ATP10D: variants seen among roughly 807,000 people sequenced by gnomAD.
ATP10D encodes the protein ATPase phospholipid transporting 10D (putative).
Under a neutral mutation model 144.8 loss-of-function variants are expected in ATP10D, and 89 were observed. That is an observed-to-expected ratio of 0.61 (90% CI 0.52 to 0.73). ATP10D has a LOEUF of 0.73. Ranked by LOEUF, ATP10D falls within the 30% of genes least tolerant of loss-of-function variation. The probability of loss-of-function intolerance (pLI) is 0.00; values close to 1 mark genes in which losing one functional copy is unlikely to be tolerated. For synonymous variants in ATP10D, 571 were observed against 615.1 expected (o/e 0.93, Z 1.06); for missense variants, 1,603 against 1,714.8 (o/e 0.93, Z 1.15).
intron 1 of ATP10D, among the ~76,000 whole-genome samples, chr4:47,510,273 C>A (rs773437724): frequency 6.6e-6 from 1 of 152,026 alleles, no homozygotes; most frequent in Non-Finnish European, 1.5e-5. Flanking sequence ...AGAGTTCTTA[C>A]AAAATGATGA....
chr4:47,559,879 A>G (rs1719203922), intron 13 of ATP10D, among the ~76,000 whole-genome samples: 1 of 152,224 alleles, frequency 6.6e-6, no homozygotes, highest in East Asian at 1.9e-4. Context: ...GCATGCCTGT[A>G]ATCCCAGCTA....
At chr4:47,525,731 AC>A (rs1462191769) in intron 5 of ATP10D, 89 bp downstream of exon 5, 6 of 1,109,592 alleles carry the variant, frequency 5.4e-6, no homozygotes, top group Non-Finnish European at 8.0e-6. Flanking sequence ...CTGTGCTTAT[AC>A]CCTTGTTAAA....
chr4:47,584,719 A>T (rs989925305), intron 21 of ATP10D, among the ~76,000 whole-genome samples: 1 of 152,198 alleles, frequency 6.6e-6, no homozygotes, highest in Middle Eastern at 3.2e-3. Flanking sequence ...AGAGATAAAA[A>T]ATTGGAGCAA....
chr4:47,576,356 TAGAG>T (rs1163588404), intron 18 of ATP10D, among the ~76,000 whole-genome samples: 5 of 151,922 alleles, frequency 3.3e-5, no homozygotes, highest in African/African-American at 4.8e-5. Flanking sequence ...TGGTCTTAGA[TAGAG>T]GGAGTTTTGT....
Position 47,535,899 on chromosome 4 carries a change from T to C in ATP10D, c.884-3T>C, listed in dbSNP as rs544109808. ...TTTCTATCATACTGCACATCCTTCATAGGCCATGAAACCAAAGCAATGCTG... is the reference window on the plus strand; with the variant it reads ...TTTCTATCATACTGCACATCCTTCACAGGCCATGAAACCAAAGCAATGCTG... On this transcript the variant is annotated splice_polypyrimidine_tract_variant and splice_region_variant and intron_variant, in intron 6 of 22. Transcript: ENST00000273859. 1 of 1,610,160 alleles carries C rather than the reference T, an allele frequency of 6.2e-7. No individual in the cohort carries two copies. The highest frequency in any genetic ancestry group is 2.2e-5 in the East Asian group (1 of 44,838).
intron 14 of ATP10D, among the ~76,000 whole-genome samples, chr4:47,563,142 G>T (rs1028847457): frequency 5.6e-4 from 85 of 152,206 alleles, no homozygotes; most frequent in African/African-American, 1.9e-3. Flanking sequence ...TTTGCATGAT[G>T]GTTACACTGA....
At position 47,581,979 on chromosome 4, in the gene ATP10D, C is replaced by T. The variant is rs1302821257; in HGVS notation, c.3668C>T (p.Thr1223Ile). The change falls in exon 21 of 23, where the codon ACT (threonine) becomes ATT (isoleucine). Residue 1223 changes from threonine (T) to isoleucine (I), a missense_variant. Transcript: ENST00000273859. ...TTGTAGACCTACCAGGGCTCAGATA[C>T]TGACATCTTTGCATTTGGAAACCCC... ...VPYFTYQGSDTDIFAFGNPLN... is the reference protein window; with the variant it reads ...VPYFTYQGSDIDIFAFGNPLN... 8.1e-6 allele frequency: 13 copies of T among 1,613,806 alleles called. No homozygotes were observed. Among genetic ancestry groups the T allele is most frequent in the Non-Finnish European group, 1.1e-5 (13 of 1,179,860 alleles).
Position 47,544,675 on chromosome 4 carries a change from T to C in ATP10D, c.1397-1949T>C, listed in dbSNP as rs188196797. Among the ~76,000 whole-genome samples, 11 of 152,386 alleles carry C rather than the reference T, an allele frequency of 7.2e-5. No homozygotes were observed. In the East Asian group the frequency reaches 2.1e-3, roughly 29 times the overall value. ...AAAGCCACTTAGTCTTTGAAAAAGT[T>C]GGTACTGGAACCTAGGATCACCACA... On this transcript the variant is annotated intron_variant, in intron 9 of 22. Coordinates refer to ENST00000273859, the MANE Select transcript of ATP10D (RefSeq NM_020453.4).
At chr4:47,577,416 A>G (rs1720291828) in intron 19 of ATP10D, among the ~76,000 whole-genome samples, 1 of 152,214 alleles carries the variant, frequency 6.6e-6, no homozygotes, top group African/African-American at 2.4e-5. Context: ...TATGTTAGAA[A>G]GAATAGGTTA....
chr4:47,496,164 T>TTC (rs1715358064), intron 1 of ATP10D, among the ~76,000 whole-genome samples: 3 of 91,538 alleles, frequency 3.3e-5, no homozygotes, highest in Non-Finnish European at 7.1e-5. Flanking sequence ...TTCTTTTTTT[T>TTC]TTTTTTTTTT....
At chr4:47,570,561 T>A (rs1485517660) in intron 16 of ATP10D, among the ~76,000 whole-genome samples, 1 of 152,060 alleles carries the variant, frequency 6.6e-6, no homozygotes, top group Non-Finnish European at 1.5e-5. Flanking sequence ...CCCAGCACTT[T>A]GGGAGGCTGA....
intron 1 of ATP10D, among the ~76,000 whole-genome samples, chr4:47,499,023 T>C (rs1715546305): frequency 6.6e-6 from 1 of 152,248 alleles, no homozygotes; most frequent in African/African-American, 2.4e-5. Flanking sequence ...TGAGCACGTA[T>C]CTGTGTGCTA....
Position 47,515,480 on chromosome 4 carries a change from GC to G in ATP10D, c.297del (p.Asn100IlefsTer7). On this transcript the variant is annotated frameshift_variant, in exon 3 of 23. Coordinates refer to ENST00000273859, the MANE Select transcript of ATP10D (RefSeq NM_020453.4). LOFTEE classifies it high-confidence loss of function. ...RNLFEQFHRA[A>X]NLYFLFLVVL... is the part of the protein sequence containing the mutation. ...CTTTGTGTGTTTGGGTTGCAGAGCT[GC>G]CAATTTATATTTCCTGTTCCTAGTT... The G allele has an allele frequency of 3.7e-6, 6 of 1,609,486 alleles. No individual in the cohort carries two copies. Among genetic ancestry groups the G allele is most frequent in the Non-Finnish European group, 5.1e-6 (6 of 1,177,634 alleles).
rs373312646 is a variant in ATP10D at position 47,542,165 on chromosome 4, C to T, written c.1397-4459C>T. Among the ~76,000 whole-genome samples the T allele has an allele frequency of 7.2e-5, 11 of 151,792 alleles. No homozygotes were observed. In the South Asian group the frequency reaches 2.3e-3, roughly 32 times the overall value. On this transcript the variant is annotated intron_variant, in intron 9 of 22. Coordinates refer to ENST00000273859, the MANE Select transcript of ATP10D (RefSeq NM_020453.4). ...AGGCTGGAGTGCAGTGGCATGATCT[C>T]AGCTCACTGCAGCCTCAACCCTCTG...
At position 47,554,800 on chromosome 4, in the gene ATP10D, A is replaced by G; in HGVS notation, c.1710A>G (p.Leu570=). The stretch of plus-strand genomic sequence containing the variant: ...TTACACCTCGGCTCTTTATGCCACT[A>G]GATGAGACCATCCAAAATCCACCAA... The part of the protein sequence containing the change: ...SQITPRLFMP[L]DETIQNPPME... The change falls in exon 11 of 23, where the codon CTA becomes CTG. Residue 570 remains leucine, a synonymous_variant. Transcript: ENST00000273859. 1 of 1,614,116 alleles carries G rather than the reference A, an allele frequency of 6.2e-7. No homozygotes were observed. The highest frequency in any genetic ancestry group is 8.5e-7 in the Non-Finnish European group (1 of 1,179,948).
chr4:47,577,103 TACTTATGTGGCAGATATTC>T, intron 19 of ATP10D, 130 bp downstream of exon 19: 1 of 799,228 alleles, frequency 1.3e-6, no homozygotes, highest in Middle Eastern at 2.5e-4. Flanking sequence ...AAAAGATCTC[TACTTATGTGGCAGATATTC>T]ACTTACTTAA....
At chr4:47,570,909 A>G (rs1185582666) in intron 16 of ATP10D, among the ~76,000 whole-genome samples, 1 of 152,162 alleles carries the variant, frequency 6.6e-6, no homozygotes, top group Non-Finnish European at 1.5e-5. Flanking sequence ...GTATGAGATT[A>G]AGATCTCAGA....
intron 9 of ATP10D, among the ~76,000 whole-genome samples, chr4:47,542,583 C>T (rs891732206): frequency 6.6e-6 from 1 of 152,056 alleles, no homozygotes; most frequent in Non-Finnish European, 1.5e-5. Context: ...GTTTAAGCAG[C>T]TCTCCTGCCT....
chr4:47,492,723 C>G (rs1346068843), intron 1 of ATP10D, among the ~76,000 whole-genome samples: 1 of 152,104 alleles, frequency 6.6e-6, no homozygotes, highest in Non-Finnish European at 1.5e-5. Flanking sequence ...AAAAGAAAAT[C>G]TTTAATACAT....
Sources: allele counts gnomAD v4.1 joint callset (sites outside exome capture counted in the v4.1 genomes callset), GRCh38; gene constraint gnomAD v4.1.1; transcripts MANE v1.5; gene names NCBI Gene and HGNC (gene_info 2026-07-23, HGNC 2026-07-21).